Variants in ABTB2 observed in about 807,000 individuals in gnomAD.
ABTB2 encodes ankyrin repeat and BTB/POZ domain-containing protein 2.
A neutral mutation model predicts 104.1 loss-of-function variants in ABTB2; 56 were observed. That is an observed-to-expected ratio of 0.54 (90% CI 0.43 to 0.67). The LOEUF (loss-of-function observed/expected upper bound fraction) is 0.67, where lower values mean the gene tolerates loss of function less well. Ranked by LOEUF, ABTB2 falls within the 30% of genes least tolerant of loss-of-function variation. The pLI is 0.00. For missense variants in ABTB2, 1,279 were observed against 1,407.7 expected, an observed-to-expected ratio of 0.91 and a Z score of 1.46; for synonymous variants, 606 against 608.2, an observed-to-expected ratio of 1.00 and a Z score of 0.05.
rs1296749024 is a variant in ABTB2 at position 34,357,511 on chromosome 11, C to A, written c.73G>T (p.Asp25Tyr). ...LTLDSGYGAG[D>Y]SCRSLSLSSS... ...GAGAGGCTGAGCGAGCGGCACGAGT[C>A]CCCGGCCCCATACCCGGAGTCCAAG... The change falls in exon 1 of 17, where the codon GAC becomes TAC. Residue 25 changes from aspartate (D) to tyrosine (Y), a missense_variant. Coordinates refer to ENST00000435224, the MANE Select transcript of ABTB2 (RefSeq NM_145804.3). 6.5e-7 allele frequency: 1 copy of A among 1,540,674 alleles called. No individual in the cohort carries two copies. The highest frequency in any genetic ancestry group is 2.0e-5 in the Admixed American group (1 of 50,992).
At chr11:34,337,607 G>A (rs905599796) in intron 1 of ABTB2, among the ~76,000 whole-genome samples, 8 of 152,092 alleles carry the variant, frequency 5.3e-5, no homozygotes, top group Non-Finnish European at 1.0e-4. Flanking sequence ...GTGACCTCGA[G>A]CAAGTCATTT....
intron 1 of ABTB2, among the ~76,000 whole-genome samples, chr11:34,274,442 C>T (rs1854358566): frequency 6.6e-6 from 1 of 152,070 alleles, no homozygotes; most frequent in Admixed American, 6.5e-5. Flanking sequence ...CAGTTCCTCT[C>T]ACCTGGACTC....
rs1482759601 is a variant in ABTB2 at position 34,163,891 on chromosome 11, G to A, written c.1988+795C>T. On this transcript the variant is annotated intron_variant, in intron 9 of 16. Transcript: ENST00000435224. ...GGGTGAAGAGGCCTCCATGGGGGATGCAGGCACTGGGTGGGGTGGAGCGGC... is the reference window on the plus strand; with the variant it reads ...GGGTGAAGAGGCCTCCATGGGGGATACAGGCACTGGGTGGGGTGGAGCGGC... Among the ~76,000 whole-genome samples, 4 of 152,202 alleles carry A rather than the reference G, an allele frequency of 2.6e-5. No individual in the cohort carries two copies. In the South Asian group the frequency reaches 8.3e-4, roughly 32 times the overall value.
intron 1 of ABTB2, among the ~76,000 whole-genome samples, chr11:34,246,420 G>A (rs1462428911): frequency 6.6e-6 from 1 of 151,956 alleles, no homozygotes; most frequent in Admixed American, 6.6e-5. Flanking sequence ...TGACCAACAT[G>A]GAGAAACTCT....
chr11:34,228,917 C>T (rs541560935), intron 1 of ABTB2, among the ~76,000 whole-genome samples: 10 of 151,656 alleles, frequency 6.6e-5, no homozygotes, highest in Non-Finnish European at 1.2e-4. Context: ...GTCAGGAGTT[C>T]GAGACCAGCC....
At chr11:34,325,035 A>G (rs1032173362) in intron 1 of ABTB2, among the ~76,000 whole-genome samples, 4 of 152,160 alleles carry the variant, frequency 2.6e-5, no homozygotes, top group Non-Finnish European at 4.4e-5. Flanking sequence ...CCTGGCTTCA[A>G]GTAATCCTCT....
intron 9 of ABTB2, among the ~76,000 whole-genome samples, chr11:34,163,754 A>G (rs1178876566): frequency 6.6e-6 from 1 of 152,176 alleles, no homozygotes; most frequent in African/African-American, 2.4e-5. Context: ...TTTACAGAGC[A>G]CCTTGTTTGG....
chr11:34,281,824 T>C (rs1445017825), intron 1 of ABTB2, among the ~76,000 whole-genome samples: 1 of 152,236 alleles, frequency 6.6e-6, no homozygotes, highest in Non-Finnish European at 1.5e-5. Flanking sequence ...TTGATATTAT[T>C]CAAAAAATTA....
intron 1 of ABTB2, among the ~76,000 whole-genome samples, chr11:34,338,712 C>CA (rs998464140): frequency 6.6e-6 from 1 of 151,966 alleles, no homozygotes; most frequent in Non-Finnish European, 1.5e-5. Context: ...CAAAACAAAA[C>CA]AAAAAAACAG....
chr11:34,270,262 C>A (rs1195140323), intron 1 of ABTB2, among the ~76,000 whole-genome samples: 1 of 152,116 alleles, frequency 6.6e-6, no homozygotes, highest in Non-Finnish European at 1.5e-5. Flanking sequence ...TGGGCAGCTT[C>A]CTGCATGGTT....
intron 1 of ABTB2, among the ~76,000 whole-genome samples, chr11:34,244,578 C>T (rs568460003): frequency 1.3e-5 from 2 of 152,254 alleles, no homozygotes; most frequent in East Asian, 3.9e-4. Context: ...TTACTCTTCC[C>T]CATGGTGAAT....
chr11:34,162,388 G>A (rs1852733686), intron 10 of ABTB2, among the ~76,000 whole-genome samples, 188 bp downstream of exon 10: 1 of 152,238 alleles, frequency 6.6e-6, no homozygotes, highest in African/African-American at 2.4e-5. Context: ...CTGAGGCCCA[G>A]GGCCCCTCCT....
chr11:34,168,041 C>T, intron 5 of ABTB2, 49 bp from the exon 6 acceptor site: 2 of 1,569,902 alleles, frequency 1.3e-6, no homozygotes, highest in South Asian at 2.3e-5. Context: ...CAGAACACAA[C>T]ACCATGTGCC....
chr11:34,208,889 C>T (rs1201321386), intron 1 of ABTB2, among the ~76,000 whole-genome samples: 1 of 152,102 alleles, frequency 6.6e-6, no homozygotes, highest in Non-Finnish European at 1.5e-5. Flanking sequence ...TTCCCCTGCC[C>T]CCCTGGACCT....
chr11:34,268,040 C>T (rs376261998), intron 1 of ABTB2, among the ~76,000 whole-genome samples: 1 of 152,162 alleles, frequency 6.6e-6, no homozygotes, highest in East Asian at 1.9e-4. Flanking sequence ...AAGTGATTCT[C>T]CAGCCTCAGC....
At chr11:34,179,003 A>C (rs983034427) in intron 3 of ABTB2, among the ~76,000 whole-genome samples, 1 of 149,436 alleles carries the variant, frequency 6.7e-6, no homozygotes. Flanking sequence ...TTGAGCCCAG[A>C]AGGTGGAGGT....
intron 1 of ABTB2, among the ~76,000 whole-genome samples, chr11:34,277,915 C>T (rs1854404067): frequency 2.0e-5 from 3 of 149,596 alleles, no homozygotes; most frequent in East Asian, 2.0e-4. Flanking sequence ...AGCGATTGTC[C>T]TGCCTCAGCC....
chr11:34,300,421 T>C lies in ABTB2; in HGVS notation c.883+56280A>G, dbSNP rs913238166. ...AGAAAGAGTGACAAAAGACAATCTA[T>C]AGAGCCAGGCTGCAAGTTCCAGTGC... is the stretch of plus-strand genomic sequence containing the variant. On this transcript the variant is annotated intron_variant, in intron 1 of 16. Coordinates refer to ENST00000435224, the MANE Select transcript of ABTB2 (RefSeq NM_145804.3). Among the ~76,000 whole-genome samples the C allele has an allele frequency of 1.1e-4, 17 of 152,338 alleles. No homozygotes were observed. The East Asian group carries it at 3.1e-3, about 28-fold the overall frequency.
At chr11:34,197,726 G>A (rs1444683862) in intron 2 of ABTB2, among the ~76,000 whole-genome samples, 188 bp from the exon 3 acceptor site, 2 of 152,138 alleles carry the variant, frequency 1.3e-5, no homozygotes, top group African/African-American at 2.4e-5. Context: ...TAGCAATTTC[G>A]TTTCCCTTTC....
Sources: allele counts gnomAD v4.1 joint callset (sites outside exome capture counted in the v4.1 genomes callset), GRCh38; gene constraint gnomAD v4.1.1; transcripts MANE v1.5; gene names NCBI Gene and HGNC (gene_info 2026-07-23, HGNC 2026-07-21).